KIF16B: variants seen among roughly 807,000 people sequenced by gnomAD.
The protein encoded by KIF16B is kinesin family member 16B, also known as kinesin-like protein KIF16B.
Under a neutral mutation model 156.3 loss-of-function variants are expected in KIF16B, and 98 were observed. That is an observed-to-expected ratio of 0.63 (90% CI 0.53 to 0.74). The LOEUF is 0.74. Ranked by LOEUF, KIF16B falls within the 30% of genes least tolerant of loss-of-function variation. The pLI, the probability that KIF16B is intolerant of heterozygous loss-of-function variation, is 0.00. For missense variants in KIF16B, 1,421 were observed against 1,606.5 expected (o/e 0.88, Z 1.97); for synonymous variants, 564 against 583.7 (o/e 0.97, Z 0.49).
At chr20:16,536,470 A>C (rs1249025954) in intron 1 of KIF16B, among the ~76,000 whole-genome samples, 1 of 152,222 alleles carries the variant, frequency 6.6e-6, no homozygotes, top group Admixed American at 6.5e-5. Flanking sequence ...TGTGGTTTTC[A>C]GAATAGCTAG....
intron 25 of KIF16B, among the ~76,000 whole-genome samples, chr20:16,286,859 G>T (rs1355851773): frequency 3.9e-5 from 6 of 152,204 alleles, no homozygotes; most frequent in African/African-American, 1.4e-4. Flanking sequence ...GTTAAACCTA[G>T]GTGGGGTTTG....
At position 16,429,929 on chromosome 20, in the gene KIF16B, T is replaced by C. The variant is rs2066454787; in HGVS notation, c.1356A>G (p.Glu452=). 3 of 1,613,110 alleles carry C rather than the reference T, an allele frequency of 1.9e-6. No individual in the cohort carries two copies. Among genetic ancestry groups the C allele is most frequent in the Non-Finnish European group, 2.5e-6 (3 of 1,179,402 alleles). Residue 452 remains glutamate (E), a synonymous_variant, in exon 13 of 26, where the codon GAA becomes GAG. Transcript: ENST00000354981. ...CATCGATGCCAATCAAATGAGGCAG[T>C]TCAGAATCCAAAACAACTCCAATCC... ...KEGIGVVLDS[E]LPHLIGIDDD...
Position 16,367,214 on chromosome 20 carries a change from C to T in KIF16B, c.3498+3372G>A, listed in dbSNP as rs1298991366. The T allele has an allele frequency of 6.2e-7, 1 of 1,612,636 alleles. No individual in the cohort carries two copies. The highest frequency in any genetic ancestry group is 1.3e-5 in the African/African-American group (1 of 74,910). On this transcript the variant is annotated intron_variant, in intron 22 of 25. Transcript: ENST00000354981. The stretch of plus-strand genomic sequence containing the variant: ...TGAGAATTGAAAGTAAGTTTCCAGA[C>T]CTCAGGTGCGACATTCTGACTGCCT...
At chr20:16,477,555 AT>A (rs1222225941) in intron 12 of KIF16B, among the ~76,000 whole-genome samples, 1 of 152,192 alleles carries the variant, frequency 6.6e-6, no homozygotes, top group Admixed American at 6.5e-5. Context: ...AAGTCTCTTA[AT>A]AAAGACGTTC....
chr20:16,573,178 C>T (rs1001692527), intron 1 of KIF16B, 51 bp downstream of exon 1: 5 of 1,509,212 alleles, frequency 3.3e-6, no homozygotes, highest in Non-Finnish European at 4.5e-6. Flanking sequence ...AAACAGGCTT[C>T]CTCTGGGTGG....
At chr20:16,499,248 T>G (rs1312760276) in intron 10 of KIF16B, among the ~76,000 whole-genome samples, 3 of 152,164 alleles carry the variant, frequency 2.0e-5, no homozygotes, top group Admixed American at 1.3e-4. Context: ...ACACACCCTG[T>G]TACAAGAGTC....
At chr20:16,499,652 G>A (rs879924969) in intron 10 of KIF16B, among the ~76,000 whole-genome samples, 10 of 152,182 alleles carry the variant, frequency 6.6e-5, no homozygotes, top group African/African-American at 2.2e-4. Context: ...CCTTTATAAC[G>A]TGGGTAATTT....
intron 23 of KIF16B, 24 bp downstream of exon 23, chr20:16,356,306 C>T: frequency 1.2e-6 from 2 of 1,613,896 alleles, no homozygotes; most frequent in Non-Finnish European, 1.7e-6. Context: ...CTCCATTCTC[C>T]AGAAGAGTCA....
chr20:16,452,844 A>C (rs1048534069), intron 12 of KIF16B, among the ~76,000 whole-genome samples: 3 of 152,060 alleles, frequency 2.0e-5, no homozygotes, highest in Admixed American at 6.5e-5. Flanking sequence ...CAAAAAAAAA[A>C]AAGAAAGAAA....
intron 17 of KIF16B, among the ~76,000 whole-genome samples, chr20:16,385,635 C>A (rs1256879755): frequency 6.6e-6 from 1 of 152,160 alleles, no homozygotes; most frequent in African/African-American, 2.4e-5. Flanking sequence ...CTGGACACAT[C>A]GAGGGCTGAG....
chr20:16,280,833 C>T lies in KIF16B; in HGVS notation c.3796-7422G>A, dbSNP rs188678317. ...TTCCCTGAATTTCAGTCAACTGCTG[C>T]GCGCGCACGTGTGTGTGTGTGTGTG... On this transcript the variant is annotated intron_variant, in intron 25 of 25. Transcript: ENST00000354981. Among the ~76,000 whole-genome samples, 317 of 85,512 alleles carry T rather than the reference C, an allele frequency of 3.7e-3. 2 individuals are homozygous for T. The highest frequency in any genetic ancestry group is 3.8e-3 in the Non-Finnish European group (171 of 44,490). 56.1% of individuals were successfully genotyped at this position (85,512 alleles called of 152,430 possible).
chr20:16,367,437 AC>A (rs768083174), intron 22 of KIF16B: 15 of 1,612,778 alleles, frequency 9.3e-6, no homozygotes, highest in Admixed American at 1.7e-5. Context: ...CAAATTGTGC[AC>A]CCGGAGGAGG....
intron 12 of KIF16B, among the ~76,000 whole-genome samples, chr20:16,474,031 C>T (rs1334384407): frequency 6.6e-6 from 1 of 152,172 alleles, no homozygotes; most frequent in African/African-American, 2.4e-5. Flanking sequence ...TCCAAGCTCA[C>T]TCAGTGTTCC....
chr20:16,367,843 T>C, intron 22 of KIF16B: 1 of 1,602,416 alleles, frequency 6.2e-7, no homozygotes, highest in African/African-American at 1.3e-5. Flanking sequence ...AGAGAGGTAT[T>C]TGTTGTAACT....
At chr20:16,462,488 G>A (rs1423867392) in intron 12 of KIF16B, among the ~76,000 whole-genome samples, 1 of 152,036 alleles carries the variant, frequency 6.6e-6, no homozygotes, top group Non-Finnish European at 1.5e-5. Context: ...CCTATGATAG[G>A]ACTTCTTCCC....
chr20:16,477,580 T>G (rs1329285594), intron 12 of KIF16B, among the ~76,000 whole-genome samples: 3 of 152,170 alleles, frequency 2.0e-5, no homozygotes, highest in Non-Finnish European at 4.4e-5. Flanking sequence ...AATCATGTTA[T>G]TTAAGGGGGT....
At chr20:16,303,955 T>G (rs527925634) in intron 25 of KIF16B, among the ~76,000 whole-genome samples, 1 of 152,212 alleles carries the variant, frequency 6.6e-6, no homozygotes, top group South Asian at 2.1e-4. Flanking sequence ...AGTAAAGAAA[T>G]GAAGATCCTG....
chr20:16,359,323 T>C (rs1320427159), intron 22 of KIF16B, among the ~76,000 whole-genome samples: 1 of 151,968 alleles, frequency 6.6e-6, no homozygotes, highest in East Asian at 1.9e-4. Context: ...ATCTGGTCAT[T>C]TGAAAGCATG....
intron 25 of KIF16B, among the ~76,000 whole-genome samples, chr20:16,308,589 A>G (rs936389620): frequency 6.6e-6 from 1 of 152,212 alleles, no homozygotes; most frequent in Non-Finnish European, 1.5e-5. Context: ...TCCCCAAGAC[A>G]TAGGCCTTCA....
Sources: allele counts gnomAD v4.1 joint callset (sites outside exome capture counted in the v4.1 genomes callset), GRCh38; gene constraint gnomAD v4.1.1; transcripts MANE v1.5; gene names NCBI Gene and HGNC (gene_info 2026-07-23, HGNC 2026-07-21).